The following ERC1 variants were observed in gnomAD, a reference collection of about 807,000 sequenced individuals.
ERC1 encodes RAB6 interacting protein 2.
In ERC1, 56 loss-of-function variants were observed where a neutral mutation model predicts 132.0. The observed-to-expected ratio is 0.42, with a 90% CI of 0.34 to 0.53. The LOEUF is 0.53. ERC1 is among the 20% of genes least tolerant of loss of function. The pLI is 0.03. For missense variants in ERC1, 1,202 were observed against 1,349.9 expected, an observed-to-expected ratio of 0.89 and a Z score of 1.72; for synonymous variants, 478 against 476.1, an observed-to-expected ratio of 1.00 and a Z score of -0.05.
intron 12 of ERC1, among the ~76,000 whole-genome samples, chr12:1,197,435 C>CT (rs1169327671): frequency 1.3e-5 from 2 of 152,092 alleles, no homozygotes; most frequent in Non-Finnish European, 2.9e-5. Context: ...ACCTCACCTC[C>CT]TAGAAGAGGA....
chr12:1,011,847 T>C (rs1352437489), intron 1 of ERC1, among the ~76,000 whole-genome samples: 1 of 151,810 alleles, frequency 6.6e-6, no homozygotes. Context: ...CTTGGGAGGC[T>C]GAGGCATGAG....
intron 2 of ERC1, among the ~76,000 whole-genome samples, chr12:1,050,166 G>A (rs1437620850): frequency 1.3e-5 from 2 of 152,178 alleles, no homozygotes; most frequent in Non-Finnish European, 2.9e-5. Flanking sequence ...TAAGGAGAAC[G>A]AGAGGGCTGA....
At chr12:995,963 A>C (rs1024383561) in intron 1 of ERC1, among the ~76,000 whole-genome samples, 4 of 152,210 alleles carry the variant, frequency 2.6e-5, no homozygotes, top group Non-Finnish European at 5.9e-5. Context: ...AAGTTGTGTC[A>C]GAATGTTGAG....
intron 15 of ERC1, among the ~76,000 whole-genome samples, chr12:1,296,205 A>G (rs2079920614): frequency 2.0e-5 from 3 of 152,112 alleles, no homozygotes; most frequent in South Asian, 2.1e-4. Context: ...GTGCACACCT[A>G]TAGTCCCAAC....
intron 13 of ERC1, among the ~76,000 whole-genome samples, chr12:1,243,766 G>T (rs2075984573): frequency 6.6e-6 from 1 of 152,142 alleles, no homozygotes; most frequent in African/African-American, 2.4e-5. Flanking sequence ...TCTCCGGATA[G>T]CCCCCACGGC....
chr12:1,192,579 C>T (rs1268288792), intron 12 of ERC1, among the ~76,000 whole-genome samples: 2 of 152,206 alleles, frequency 1.3e-5, no homozygotes, highest in Non-Finnish European at 2.9e-5. Context: ...TGTATATGCT[C>T]CTTCTGCCCC....
chr12:1,225,853 TTCTC>T (rs1053787006), intron 12 of ERC1, among the ~76,000 whole-genome samples: 1 of 152,196 alleles, frequency 6.6e-6, no homozygotes, highest in Non-Finnish European at 1.5e-5. Flanking sequence ...TTAAATTTTT[TTCTC>T]TCTCTTAAAA....
intron 13 of ERC1, among the ~76,000 whole-genome samples, chr12:1,237,767 T>C (rs2154303828): frequency 6.6e-6 from 1 of 152,066 alleles, no homozygotes; most frequent in South Asian, 2.1e-4. Flanking sequence ...GTGTAGATTA[T>C]AGGGAAGAAT....
At chr12:999,285 T>G (rs944022452) in intron 1 of ERC1, among the ~76,000 whole-genome samples, 1 of 152,214 alleles carries the variant, frequency 6.6e-6, no homozygotes, top group Non-Finnish European at 1.5e-5. Context: ...GTCTTCAGTT[T>G]TTACCTCTCT....
intron 16 of ERC1, 33 bp downstream of exon 16, chr12:1,372,010 G>C (rs2087295996): frequency 6.2e-7 from 1 of 1,608,458 alleles, no homozygotes. Flanking sequence ...GGGTCAGTGG[G>C]GCCAGCTTTC....
At chr12:990,259 G>C (rs1235434545), upstream of ERC1, 1 of 151,708 alleles carries the variant, frequency 6.6e-6, no homozygotes, top group Non-Finnish European at 1.5e-5. Context: ...GGAAGGCTGG[G>C]AATAAATATA....
At chr12:1,107,300 A>G (rs1263234793) in intron 4 of ERC1, among the ~76,000 whole-genome samples, 1 of 152,176 alleles carries the variant, frequency 6.6e-6, no homozygotes, top group African/African-American at 2.4e-5. Context: ...GCTGGGATAG[A>G]TAAAGCAGAG....
In ERC1 at chr12:1,371,923, A is replaced by C. The variant is rs540533701; in HGVS notation, c.2871A>C (p.Glu957Asp). Residue 957 changes from glutamate (E) to aspartate (D), a missense_variant, in exon 16 of 19, where the codon GAA (glutamate) becomes GAC (aspartate). Transcript: ENST00000360905. Reference protein sequence around the residue: ...LSSSKKKTQEEVAALKREKDR... With the variant: ...LSSSKKKTQEDVAALKREKDR... ...CCTCTAAGAAGAAGACCCAAGAGGA[A>C]GTGGCTGCCCTGAAGCGGGAGAAGG... 6.2e-7 allele frequency: 1 copy of C among 1,614,142 alleles called. No individual in the cohort carries two copies. The highest frequency in any genetic ancestry group is 8.5e-7 in the Non-Finnish European group (1 of 1,180,034).
rs552451144 is a variant in ERC1 at position 1,071,943 on chromosome 12, A to T, written c.670-11221A>T. 2.6e-5 allele frequency among the ~76,000 whole-genome samples: 4 copies of T among 152,196 alleles called. No individual in the cohort carries two copies. The East Asian group carries it at 5.8e-4, about 22-fold the overall frequency. On this transcript the variant is annotated intron_variant, in intron 2 of 18. Transcript: ENST00000360905. The stretch of plus-strand genomic sequence containing the variant: ...TGGAGAAACCCTGTCTCTACTAAAA[A>T]TACAAAAACTAGCTAGGCTTGGTGG...
At chr12:1,153,375 T>C (rs1218742148) in intron 8 of ERC1, among the ~76,000 whole-genome samples, 2 of 152,264 alleles carry the variant, frequency 1.3e-5, no homozygotes, top group African/African-American at 4.8e-5. Flanking sequence ...TTTGGTATTT[T>C]GACTCTTTTT....
intron 12 of ERC1, among the ~76,000 whole-genome samples, chr12:1,216,484 AG>A (rs1341800617): frequency 2.6e-5 from 4 of 151,998 alleles, no homozygotes; most frequent in Non-Finnish European, 5.9e-5. Flanking sequence ...TGAAATCACC[AG>A]GTGGAGAAAT....
At chr12:1,488,177 C>T (rs1356443847) in intron 18 of ERC1, among the ~76,000 whole-genome samples, 1 of 150,890 alleles carries the variant, frequency 6.6e-6, no homozygotes, top group East Asian at 2.0e-4. Context: ...GATGGGGTCT[C>T]ACTACCTTGC....
intron 7 of ERC1, among the ~76,000 whole-genome samples, chr12:1,126,831 TA>T (rs1230653198): frequency 6.6e-6 from 1 of 151,280 alleles, no homozygotes; most frequent in African/African-American, 2.4e-5. Flanking sequence ...CTACTAAAAA[TA>T]AAAAAATTAG....
chr12:1,279,126 GAT>G (rs745540629), intron 14 of ERC1, among the ~76,000 whole-genome samples: 8 of 152,150 alleles, frequency 5.3e-5, no homozygotes, highest in Non-Finnish European at 1.0e-4. Flanking sequence ...CATTTGCCCT[GAT>G]CTCCTATTTT....
Sources: gnomAD v4.1 joint callset for allele counts (sites outside exome capture counted in the v4.1 genomes callset) on GRCh38, gnomAD v4.1.1 for gene constraint, MANE v1.5 for transcripts, NCBI Gene and HGNC (gene_info 2026-07-23, HGNC 2026-07-21) for gene names.